Variants in PPM1E observed in about 807,000 individuals in gnomAD.
PPM1E encodes protein phosphatase 1E.
In PPM1E, 20 loss-of-function variants were observed where a neutral mutation model predicts 65.9. That is an observed-to-expected ratio of 0.30 (90% CI 0.21 to 0.44). The LOEUF (loss-of-function observed/expected upper bound fraction) is 0.44. PPM1E is among the 20% of genes least tolerant of loss of function. The pLI is 1.00. For synonymous variants in PPM1E, 352 were observed against 374.9 expected, an observed-to-expected ratio of 0.94 and a Z score of 0.70; for missense variants, 713 against 953.1, an observed-to-expected ratio of 0.75 and a Z score of 3.32.
chr17:58,927,226 A>C (rs1251506920), intron 1 of PPM1E, among the ~76,000 whole-genome samples: 1 of 145,614 alleles, frequency 6.9e-6, no homozygotes, highest in Non-Finnish European at 1.5e-5. Context: ...TCCTGGGTTC[A>C]CGCCATTCTC....
intron 1 of PPM1E, among the ~76,000 whole-genome samples, chr17:58,825,779 A>G (rs909318726): frequency 6.6e-6 from 1 of 151,686 alleles, no homozygotes; most frequent in African/African-American, 2.4e-5. Context: ...CATGTTGGCC[A>G]GGCTGGTCTC....
At chr17:58,968,996 T>C (rs930744374) in intron 3 of PPM1E, among the ~76,000 whole-genome samples, 2 of 152,192 alleles carry the variant, frequency 1.3e-5, no homozygotes, top group Non-Finnish European at 2.9e-5. Flanking sequence ...GAATGATTTA[T>C]GAAGAAGGTA....
chr17:58,757,905 G>A (rs995732966), intron 1 of PPM1E, among the ~76,000 whole-genome samples: 1 of 152,082 alleles, frequency 6.6e-6, no homozygotes, highest in Non-Finnish European at 1.5e-5. Flanking sequence ...GAGATAAACA[G>A]TATTAACATT....
intron 1 of PPM1E, among the ~76,000 whole-genome samples, chr17:58,879,711 A>G (rs889806782): frequency 2.6e-5 from 4 of 151,822 alleles, no homozygotes; most frequent in Middle Eastern, 3.2e-3. Context: ...GGGTTTCACC[A>G]TGTTAGCCAG....
chr17:58,883,338 C>G (rs999781246), intron 1 of PPM1E, among the ~76,000 whole-genome samples: 1 of 151,988 alleles, frequency 6.6e-6, no homozygotes, highest in African/African-American at 2.4e-5. Context: ...ACAGTTATCT[C>G]TTGGAAATAA....
intron 1 of PPM1E, among the ~76,000 whole-genome samples, chr17:58,823,351 T>G (rs369375900): frequency 1.3e-5 from 2 of 152,180 alleles, no homozygotes; most frequent in Non-Finnish European, 2.9e-5. Context: ...AAGACAGACT[T>G]ACTTGAAATT....
chr17:58,964,537 T>C (rs948997329), intron 2 of PPM1E, among the ~76,000 whole-genome samples: 1 of 152,128 alleles, frequency 6.6e-6, no homozygotes, highest in South Asian at 2.1e-4. Flanking sequence ...GGTGAAGTGG[T>C]AGACATAGGT....
chr17:58,826,042 AC>A (rs2050532452), intron 1 of PPM1E, among the ~76,000 whole-genome samples: 1 of 151,822 alleles, frequency 6.6e-6, no homozygotes, highest in Non-Finnish European at 1.5e-5. Context: ...TAATCCCAGC[AC>A]TTTGGGAGGC....
At chr17:58,960,214 A>G (rs2029987379) in intron 2 of PPM1E, among the ~76,000 whole-genome samples, 1 of 152,164 alleles carries the variant, frequency 6.6e-6, no homozygotes, top group Admixed American at 6.6e-5. Flanking sequence ...TGGCAGTATG[A>G]CTTGCTAGGA....
chr17:58,913,575 CTCAA>C (rs2051652663), intron 1 of PPM1E, among the ~76,000 whole-genome samples: 1 of 152,066 alleles, frequency 6.6e-6, no homozygotes, highest in South Asian at 2.1e-4. Flanking sequence ...GAGTTTATTA[CTCAA>C]GTCACTCCCC....
Position 58,756,011 on chromosome 17 carries a change from T to G in PPM1E, c.14T>G (p.Ile5Ser), listed in dbSNP as rs770016598. 1 of 1,613,968 alleles carries G rather than the reference T, an allele frequency of 6.2e-7. No individual in the cohort carries two copies. The highest frequency in any genetic ancestry group is 8.5e-7 in the Non-Finnish European group (1 of 1,179,902). Residue 5 changes from isoleucine (I) to serine (S), a missense_variant, in exon 1 of 7, where the codon ATC becomes AGC. Ile to Ser is a moderately radical substitution (Grantham distance 142, BLOSUM62 -2). This residue lies in a region of PPM1E where 212 missense variants were observed against 204.0 expected (regional missense o/e 1.04). Coordinates refer to ENST00000308249, the MANE Select transcript of PPM1E (RefSeq NM_014906.5). MAGC[I>S]PEEKTYRRFL... ...GCATGAGCAGCGATGGCCGGCTGCA[T>G]CCCTGAGGAGAAAACTTACCGGCGC...
At chr17:58,971,332 C>A (rs1398714141) in intron 4 of PPM1E, among the ~76,000 whole-genome samples, 2 of 152,086 alleles carry the variant, frequency 1.3e-5, no homozygotes, top group South Asian at 2.1e-4. Flanking sequence ...ATACAAGAGA[C>A]CTTTTACCAC....
intron 1 of PPM1E, among the ~76,000 whole-genome samples, chr17:58,891,540 G>A: frequency 6.6e-6 from 1 of 151,548 alleles, no homozygotes; most frequent in East Asian, 2.0e-4. Flanking sequence ...GGCCAGGCTG[G>A]TCTCGAACTC....
chr17:58,922,242 A>C (rs1428949567), intron 1 of PPM1E, among the ~76,000 whole-genome samples: 1 of 151,732 alleles, frequency 6.6e-6, no homozygotes, highest in African/African-American at 2.4e-5. Flanking sequence ...GTAGTAATGA[A>C]TTAAAGGAAG....
At chr17:58,902,319 A>T (rs1221290394) in intron 1 of PPM1E, among the ~76,000 whole-genome samples, 1 of 151,940 alleles carries the variant, frequency 6.6e-6, no homozygotes, top group Non-Finnish European at 1.5e-5. Context: ...AGTTTGTTAT[A>T]GATCTTCGTG....
intron 1 of PPM1E, among the ~76,000 whole-genome samples, chr17:58,778,658 C>T (rs1362960802): frequency 6.6e-6 from 1 of 151,604 alleles, no homozygotes; most frequent in Non-Finnish European, 1.5e-5. Context: ...AATCTGCCCG[C>T]CTCAGCTTCC....
At chr17:58,932,281 CA>C (rs2051910886) in intron 1 of PPM1E, among the ~76,000 whole-genome samples, 1 of 152,042 alleles carries the variant, frequency 6.6e-6, no homozygotes, top group Non-Finnish European at 1.5e-5. Flanking sequence ...CCAGCCTGGC[CA>C]ACATAGTGAA....
chr17:58,778,121 A>G (rs1464911672), intron 1 of PPM1E, among the ~76,000 whole-genome samples: 2 of 150,994 alleles, frequency 1.3e-5, no homozygotes, highest in South Asian at 4.2e-4. Flanking sequence ...TTTTTCTGAG[A>G]TGGAGTCTTG....
intron 1 of PPM1E, among the ~76,000 whole-genome samples, chr17:58,810,499 C>G (rs920390912): frequency 1.3e-5 from 2 of 152,150 alleles, no homozygotes; most frequent in African/African-American, 2.4e-5. Flanking sequence ...GCCACTGCGC[C>G]CGGCCGCTGT....
Sources: gnomAD v4.1 joint callset for allele counts (sites outside exome capture counted in the v4.1 genomes callset) on GRCh38, gnomAD v4.1.1 for gene constraint, gnomAD v4.1.1 regional missense constraint, MANE v1.5 for transcripts, NCBI Gene and HGNC (gene_info 2026-07-23, HGNC 2026-07-21) for gene names.